CTNNB1: variants seen among roughly 807,000 people sequenced by gnomAD.
CTNNB1 encodes catenin beta 1, also known as catenin beta-1.
CTNNB1 carries 6 observed loss-of-function variants against 82.5 expected under a neutral mutation model. The observed-to-expected ratio is 0.07, with a 90% CI of 0.04 to 0.14. CTNNB1 has a LOEUF of 0.14. Among genes scored for constraint, CTNNB1 ranks in the 10% least tolerant of loss-of-function variants. The pLI is 1.00. For missense variants in CTNNB1, 529 were observed against 980.4 expected (o/e 0.54, Z 6.15); for synonymous variants, 312 against 329.7 (o/e 0.95, Z 0.58).
At chr3:41,212,204 T>C (rs1013379878) in intron 1 of CTNNB1, among the ~76,000 whole-genome samples, 3 of 152,204 alleles carry the variant, frequency 2.0e-5, no homozygotes, top group Non-Finnish European at 2.9e-5. Flanking sequence ...TGGCTACTTA[T>C]TTTTACCCCT....
chr3:41,223,382 T>C (rs4135370), intron 1 of CTNNB1, among the ~76,000 whole-genome samples: 4,174 of 152,276 alleles, frequency 0.027, 85 homozygotes, highest in African/African-American at 0.06. Flanking sequence ...AATATTTGTA[T>C]TTATAATAAA....
At chr3:41,207,588 G>A (rs962392988) in intron 1 of CTNNB1, among the ~76,000 whole-genome samples, 1 of 152,152 alleles carries the variant, frequency 6.6e-6, no homozygotes, top group African/African-American at 2.4e-5. Flanking sequence ...CAGTCCTGAG[G>A]CATGCCTTTT....
chr3:41,215,706 CATT>C (rs1254523870), intron 1 of CTNNB1, among the ~76,000 whole-genome samples: 3 of 152,210 alleles, frequency 2.0e-5, no homozygotes, highest in South Asian at 2.1e-4. Context: ...GGAAGGTTAT[CATT>C]ATGGGATATA....
chr3:41,234,333 A>T (rs946017278), intron 10 of CTNNB1, 36 bp downstream of exon 10: 2 of 1,608,946 alleles, frequency 1.2e-6, no homozygotes, highest in Middle Eastern at 3.3e-4. Flanking sequence ...TGGCTATCTA[A>T]AAGGAATGCA....
chr3:41,220,378 ACACACCCACACC>A (rs771827410), intron 1 of CTNNB1, among the ~76,000 whole-genome samples: 1 of 145,760 alleles, frequency 6.9e-6, no homozygotes, highest in Non-Finnish European at 1.5e-5. Flanking sequence ...TTGAGAACAC[ACACACCCACACC>A]CACACCCACA....
chr3:41,237,889 A>AT (rs1211929716), intron 13 of CTNNB1, 127 bp from the exon 14 acceptor site: 1 of 794,434 alleles, frequency 1.3e-6, no homozygotes, highest in Non-Finnish European at 2.2e-6. Context: ...TTTTCTAAGC[A>AT]TTTGTGTAAT....
chr3:41,214,169 T>TTTAGCTATGGTCC (rs2077861940), intron 1 of CTNNB1, among the ~76,000 whole-genome samples: 1 of 152,220 alleles, frequency 6.6e-6, no homozygotes, highest in Non-Finnish European at 1.5e-5. Flanking sequence ...ATGGTTTGAC[T>TTTAGCTATGGTCC]TTAGCTATGG....
intron 11 of CTNNB1, chr3:41,236,052 G>C (rs892909542): frequency 1.4e-6 from 1 of 714,952 alleles, no homozygotes; most frequent in Non-Finnish European, 2.3e-6. Flanking sequence ...GGTGCCTAGA[G>C]GGGAGAGCTG....
rs1216164968 is a variant in CTNNB1 at position 41,234,192 on chromosome 3, T to A, written c.1578T>A (p.Pro526=). 1 of 1,614,214 alleles carries A rather than the reference T, an allele frequency of 6.2e-7. No individual in the cohort carries two copies. Among genetic ancestry groups the A allele is most frequent in the East Asian group, 2.2e-5 (1 of 44,876 alleles). Residue 526 remains proline (P), a synonymous_variant, in exon 10 of 15, where the codon CCT becomes CCA. Transcript: ENST00000349496. ...NLALCPANHA[P]LREQGAIPRL... is the part of the protein sequence containing the mutation. ...CCCTTTGTCCCGCAAATCATGCACC[T>A]TTGCGTGAGCAGGGTGCCATTCCAC...
intron 1 of CTNNB1, among the ~76,000 whole-genome samples, chr3:41,217,327 A>G (rs988055653): frequency 6.6e-6 from 1 of 152,138 alleles, no homozygotes; most frequent in Non-Finnish European, 1.5e-5. Context: ...TCTTACTCTA[A>G]ATTTTCTTTT....
At chr3:41,216,586 A>G (rs1448354964) in intron 1 of CTNNB1, among the ~76,000 whole-genome samples, 1 of 152,234 alleles carries the variant, frequency 6.6e-6, no homozygotes, top group African/African-American at 2.4e-5. Context: ...TTGAGGCAAG[A>G]TGGTTGACTG....
chr3:41,211,989 C>G (rs1002241601), intron 1 of CTNNB1, among the ~76,000 whole-genome samples: 1 of 152,186 alleles, frequency 6.6e-6, no homozygotes, highest in Non-Finnish European at 1.5e-5. Context: ...AGTAAAAGCT[C>G]AAGCTCCTGT....
In CTNNB1 at chr3:41,237,167, C is replaced by T. The variant is rs2078455112; in HGVS notation, c.2076+458C>T. On this transcript the variant is annotated intron_variant, in intron 13 of 14. Transcript: ENST00000349496. ...TTGTTTCTAATAAAACTAGAACATC[C>T]TGATATTTTATCCATTCTATAGAGA... 3 of 228,876 alleles carry T rather than the reference C, an allele frequency of 1.3e-5. No homozygotes were observed. The Admixed American group carries it at 1.6e-4, about 12-fold the overall frequency. The allele number at this position is 228,876 out of a possible 1,614,324, so 14.2% of individuals were successfully genotyped here. A position where few individuals can be genotyped will look rare whatever the true frequency, so the allele number is the denominator to read the frequency against.
chr3:41,238,040 G>C lies in CTNNB1; in HGVS notation c.2101G>C (p.Gly701Arg). ...NETADLGLDI[G>R]AQGEPLGYRQ... is the part of the protein sequence containing the mutation. ...GACTGCTGATCTTGGACTTGATATT[G>C]GTGCCCAGGGAGAACCCCTTGGATA... Residue 701 changes from glycine (G) to arginine (R), a missense_variant, in exon 14 of 15, where the codon GGT becomes CGT. Transcript: ENST00000349496. 6.2e-7 allele frequency: 1 copy of C among 1,613,822 alleles called. No individual in the cohort carries two copies. The highest frequency in any genetic ancestry group is 8.5e-7 in the Non-Finnish European group (1 of 1,179,846).
At chr3:41,207,505 C>T (rs1264009739) in intron 1 of CTNNB1, among the ~76,000 whole-genome samples, 2 of 152,138 alleles carry the variant, frequency 1.3e-5, no homozygotes, top group African/African-American at 2.4e-5. Context: ...ACCCCTTCAC[C>T]TTGTTACCAT....
At chr3:41,230,335 A>G (rs562315148) in intron 7 of CTNNB1, among the ~76,000 whole-genome samples, 9 of 152,354 alleles carry the variant, frequency 5.9e-5, no homozygotes, top group African/African-American at 2.2e-4. Flanking sequence ...TTTTATATCA[A>G]GATCTCATAG....
chr3:41,235,560 C>G, intron 10 of CTNNB1, 164 bp from the exon 11 acceptor site: 1 of 893,590 alleles, frequency 1.1e-6, no homozygotes, highest in Non-Finnish European at 1.8e-6. Flanking sequence ...CAGGAGGCCT[C>G]TTTTCAGTGA....
intron 7 of CTNNB1, among the ~76,000 whole-genome samples, chr3:41,231,249 C>T (rs1348525951): frequency 6.6e-6 from 1 of 151,884 alleles, no homozygotes; most frequent in Non-Finnish European, 1.5e-5. Context: ...ATGGTGTGAA[C>T]CCGGGAGGCG....
chr3:41,220,987 AC>A (rs2078035565), intron 1 of CTNNB1: 1 of 152,214 alleles, frequency 6.6e-6, no homozygotes, highest in Admixed American at 6.5e-5. Context: ...CGGAAATAGC[AC>A]GGTGAATTTT....
Sources: allele counts gnomAD v4.1 joint callset (sites outside exome capture counted in the v4.1 genomes callset), GRCh38; gene constraint gnomAD v4.1.1; transcripts MANE v1.5; gene names NCBI Gene and HGNC (gene_info 2026-07-23, HGNC 2026-07-21).